Variants in THAP6 observed in about 807,000 individuals in gnomAD.
THAP6 encodes THAP domain containing 6, also known as THAP domain-containing protein 6.
A neutral mutation model predicts 20.0 loss-of-function variants in THAP6; 13 were observed. The observed-to-expected ratio is 0.65, with a 90% CI of 0.42 to 1.03. The LOEUF (loss-of-function observed/expected upper bound fraction) is 1.03, where lower values mean the gene tolerates loss of function less well. Among genes scored for constraint, THAP6 ranks in the 50% least tolerant of loss-of-function variants. The pLI, the probability that THAP6 is intolerant of heterozygous loss-of-function variation, is 0.00. For missense variants in THAP6, 262 were observed against 261.6 expected, an observed-to-expected ratio of 1.00 and a Z score of -0.01; for synonymous variants, 93 against 92.2, an observed-to-expected ratio of 1.01 and a Z score of -0.05.
At chr4:75,514,064 C>T (rs1725264756), upstream of THAP6, 1 of 1,398,342 alleles carries the variant, frequency 7.2e-7, no homozygotes, top group African/African-American at 1.4e-5. Flanking sequence ...AAGAAGAACC[C>T]AGTTCCAGGT....
At chr4:75,519,438 A>G (rs1467267523) in intron 3 of THAP6, among the ~76,000 whole-genome samples, 1 of 151,224 alleles carries the variant, frequency 6.6e-6, no homozygotes, top group Non-Finnish European at 1.5e-5. Context: ...GTAACTCATC[A>G]TCTAGCATTA....
At chr4:75,518,870 A>C (rs1378406909) in intron 3 of THAP6, among the ~76,000 whole-genome samples, 1 of 152,212 alleles carries the variant, frequency 6.6e-6, no homozygotes, top group Non-Finnish European at 1.5e-5. Context: ...TCTATGGATC[A>C]CATGTTTAAG....
At chr4:75,524,350 GATA>G (rs1246614252) in intron 4 of THAP6, among the ~76,000 whole-genome samples, 1 of 152,026 alleles carries the variant, frequency 6.6e-6, no homozygotes, top group Admixed American at 6.5e-5. Context: ...AAGAGATTTA[GATA>G]ATAAGAAAAA....
intron 3 of THAP6, among the ~76,000 whole-genome samples, chr4:75,543,364 G>A (rs923658954): frequency 1.3e-5 from 2 of 152,200 alleles, no homozygotes; most frequent in African/African-American, 4.8e-5. Context: ...ATGGCTTCAG[G>A]TACAGCTGGA....
chr4:75,526,831 T>C, intron 4 of THAP6, 129 bp from the exon 5 acceptor site: 1 of 1,384,654 alleles, frequency 7.2e-7, no homozygotes, highest in Non-Finnish European at 9.6e-7. Flanking sequence ...CTGTGTTCCT[T>C]AAACCTCTAT....
At chr4:75,516,714 A>G (rs1314422125) in intron 2 of THAP6, 58 bp from the exon 3 acceptor site, 2 of 1,472,906 alleles carry the variant, frequency 1.4e-6, no homozygotes, top group East Asian at 2.5e-5. Flanking sequence ...GGCAGCTTTA[A>G]TTCAATTATA....
chr4:75,516,756 TG>T lies in THAP6; in HGVS notation c.81-15del, dbSNP rs1267444130. ...TAGTATTTGATTTTAAAATATTTTTTGTATTTTTTTTCTAGATTCCCCACAG... is the reference window on the plus strand; with the variant it reads ...TAGTATTTGATTTTAAAATATTTTTTTATTTTTTTTCTAGATTCCCCACAG... On this transcript the variant is annotated splice_polypyrimidine_tract_variant and intron_variant, in intron 2 of 4. Coordinates refer to ENST00000311638, the MANE Select transcript of THAP6 (RefSeq NM_144721.6). 1 of 1,603,264 alleles carries T rather than the reference TG, an allele frequency of 6.2e-7. No individual in the cohort carries two copies.
At chr4:75,516,269 G>A (rs1295117438) in intron 2 of THAP6, among the ~76,000 whole-genome samples, 1 of 152,178 alleles carries the variant, frequency 6.6e-6, no homozygotes. Context: ...CTGATCTCCA[G>A]AACTCCACAC....
intron 4 of THAP6, among the ~76,000 whole-genome samples, chr4:75,525,663 G>A (rs900245477): frequency 2.6e-5 from 4 of 152,134 alleles, no homozygotes; most frequent in African/African-American, 9.7e-5. Flanking sequence ...TGCATGCCAT[G>A]AATTTTGGGT....
chr4:75,521,727 T>C lies in THAP6; in HGVS notation c.289-9T>C. On this transcript the variant is annotated splice_polypyrimidine_tract_variant and intron_variant, in intron 3 of 4. Coordinates refer to ENST00000311638, the MANE Select transcript of THAP6 (RefSeq NM_144721.6). ...TCACTTGATGATTATTATTAACTAC[T>C]CTTAACAGGGGAAAAGAGAAAAACT... 1 of 1,606,178 alleles carries C rather than the reference T, an allele frequency of 6.2e-7. No individual in the cohort carries two copies. Among genetic ancestry groups the C allele is most frequent in the African/African-American group, 1.3e-5 (1 of 74,630 alleles).
At chr4:75,524,171 T>C (rs1466620379) in intron 4 of THAP6, among the ~76,000 whole-genome samples, 1 of 152,228 alleles carries the variant, frequency 6.6e-6, no homozygotes, top group East Asian at 1.9e-4. Flanking sequence ...ACAGGCTATG[T>C]TAAAGTGGTA....
chr4:75,518,196 CATAATAAATCAA>C (rs1370838079), intron 3 of THAP6, among the ~76,000 whole-genome samples: 2 of 152,048 alleles, frequency 1.3e-5, no homozygotes, highest in Non-Finnish European at 2.9e-5. Flanking sequence ...GAAATATGGG[CATAATAAATCAA>C]ATAAACCATA....
downstream of THAP6, among the ~76,000 whole-genome samples, chr4:75,532,003 CAT>C (rs1726695808): frequency 6.6e-6 from 1 of 152,104 alleles, no homozygotes; most frequent in African/African-American, 2.4e-5. Flanking sequence ...TCCCAAATCT[CAT>C]ATCTTCACAT....
chr4:75,527,220 T>C lies in THAP6; in HGVS notation c.*6T>C. 2 of 1,594,204 alleles carry C rather than the reference T, an allele frequency of 1.3e-6. No individual in the cohort carries two copies. Among genetic ancestry groups the C allele is most frequent in the Non-Finnish European group, 1.7e-6 (2 of 1,167,020 alleles). On this transcript the variant is annotated 3_prime_UTR_variant, in exon 5 of 5. Coordinates refer to ENST00000311638, the MANE Select transcript of THAP6 (RefSeq NM_144721.6). ...AACAGGACTATATTTCATGAAATAA[T>C]TTCATGTTACGTTCCACCTAAAATT...
upstream of THAP6, chr4:75,514,376 C>G: frequency 7.1e-7 from 1 of 1,416,382 alleles, no homozygotes; most frequent in Non-Finnish European, 9.5e-7. Context: ...ACACCCCTCC[C>G]AGCCCCAGCG....
chr4:75,541,236 C>T (rs1354488999), intron 2 of THAP6, among the ~76,000 whole-genome samples: 1 of 152,098 alleles, frequency 6.6e-6, no homozygotes, highest in African/African-American at 2.4e-5. Flanking sequence ...AACCCAAATA[C>T]CCATCAAGCA....
Position 75,516,918 on chromosome 4 carries a change from C to T in THAP6, c.227C>T (p.Pro76Leu). Reference sequence around the variant, plus strand: ...AAGACAGATTTTGACAGAAGTGCTCCAAATATTAAACTGAAACCTGGAGTC... The same window carrying T: ...AAGACAGATTTTGACAGAAGTGCTCTAAATATTAAACTGAAACCTGGAGTC... ...FKKTDFDRSA[P>L]NIKLKPGVIP... The change falls in exon 3 of 5, where the codon CCA (proline) becomes CTA (leucine). Residue 76 changes from proline (P) to leucine (L), a missense_variant. Pro to Leu is a moderately conservative substitution (Grantham distance 98, BLOSUM62 -3). Transcript: ENST00000311638. 2 of 1,613,056 alleles carry T rather than the reference C, an allele frequency of 1.2e-6. No homozygotes were observed. The highest frequency in any genetic ancestry group is 8.5e-7 in the Non-Finnish European group (1 of 1,179,864).
At chr4:75,521,570 G>T (rs1002531562) in intron 3 of THAP6, among the ~76,000 whole-genome samples, 166 bp from the exon 4 acceptor site, 4 of 152,018 alleles carry the variant, frequency 2.6e-5, no homozygotes, top group Non-Finnish European at 5.9e-5. Context: ...GTTGATTTCA[G>T]AAAGTTCTTT....
chr4:75,516,994 T>A lies in THAP6; in HGVS notation c.288+15T>A, dbSNP rs200511698. 829 of 1,509,366 alleles carry A rather than the reference T, an allele frequency of 5.5e-4. 5 individuals are homozygous for A. The highest frequency in any genetic ancestry group is 4.1e-4 in the Non-Finnish European group (453 of 1,094,164). The allele number at this position is 1,509,366 out of a possible 1,614,324, so 93.5% of individuals were successfully genotyped here. On this transcript the variant is annotated intron_variant, in intron 3 of 4. Coordinates refer to ENST00000311638, the MANE Select transcript of THAP6 (RefSeq NM_144721.6). ...ATCACCTACAGGTTTGTTTATGAGA[T>A]ACTGTTTACCATCATTGCTCACTTT...
Sources: gnomAD v4.1 joint callset for allele counts (sites outside exome capture counted in the v4.1 genomes callset) on GRCh38, gnomAD v4.1.1 for gene constraint, MANE v1.5 for transcripts, NCBI Gene and HGNC (gene_info 2026-07-23, HGNC 2026-07-21) for gene names.